Variants in SYNJ2 observed in about 807,000 individuals in gnomAD.
SYNJ2 encodes synaptojanin 2.
A neutral mutation model predicts 141.3 loss-of-function variants in SYNJ2; 116 were observed. That is an observed-to-expected ratio of 0.82 (90% CI 0.71 to 0.96). SYNJ2 has a LOEUF of 0.96. Among genes scored for constraint, SYNJ2 ranks in the 40% least tolerant of loss-of-function variants. SYNJ2 has a pLI of 0.00. For synonymous variants in SYNJ2, 745 were observed against 777.7 expected, an observed-to-expected ratio of 0.96 and a Z score of 0.70; for missense variants, 1,873 against 1,934.8, an observed-to-expected ratio of 0.97 and a Z score of 0.60.
intron 18 of SYNJ2, 190 bp downstream of exon 18, chr6:158,078,471 T>C (rs1228298231): frequency 1.2e-5 from 5 of 405,090 alleles, no homozygotes; most frequent in Non-Finnish European, 1.8e-5. Context: ...AAGAACTAAT[T>C]AATCTTAGCA....
At chr6:158,031,164 G>A (rs1779339564) in intron 3 of SYNJ2, among the ~76,000 whole-genome samples, 1 of 152,218 alleles carries the variant, frequency 6.6e-6, no homozygotes, top group South Asian at 2.1e-4. Flanking sequence ...TAAGCACAGA[G>A]GGGCTGTGTA....
intron 1 of SYNJ2, among the ~76,000 whole-genome samples, chr6:157,988,365 G>A (rs1031515638): frequency 6.6e-6 from 1 of 152,210 alleles, no homozygotes; most frequent in South Asian, 2.1e-4. Flanking sequence ...TAGTCACGGT[G>A]GCATACTTTT....
chr6:158,007,829 G>A (rs374715393), intron 1 of SYNJ2, among the ~76,000 whole-genome samples: 5 of 152,044 alleles, frequency 3.3e-5, no homozygotes, highest in Non-Finnish European at 7.4e-5. Flanking sequence ...TTTTAGTAGA[G>A]ACTAAAAACA....
chr6:158,004,969 T>C (rs1777999957), intron 1 of SYNJ2, among the ~76,000 whole-genome samples: 1 of 151,854 alleles, frequency 6.6e-6, no homozygotes, highest in Non-Finnish European at 1.5e-5. Context: ...CTGCAGCCAC[T>C]CGCTCCCATG....
chr6:158,076,724 C>T lies in SYNJ2; in HGVS notation c.2391C>T (p.Thr797=). The change falls in exon 17 of 27, where the codon ACC becomes ACT. Residue 797 remains threonine (T), a synonymous_variant. Transcript: ENST00000355585. ...ACGATACAAGCGACAAATGCCGCAC[C>T]CCCGCCTGGACAGACAGGGTGCTGT... ...AAYDTSDKCR[T]PAWTDRVLWW... is the part of the protein sequence containing the mutation. The T allele has an allele frequency of 1.2e-6, 2 of 1,614,186 alleles. No individual in the cohort carries two copies.
intron 23 of SYNJ2, 74 bp downstream of exon 23, chr6:158,087,063 C>CG (rs1475139195): frequency 5.2e-6 from 8 of 1,524,698 alleles, no homozygotes; most frequent in Non-Finnish European, 7.1e-6. Context: ...ACTGAAAACA[C>CG]GGCTCCGAAT....
chr6:157,981,439 C>CGCAGGGTCGAAAGGACTCGT (rs1298283122), upstream of SYNJ2, among the ~76,000 whole-genome samples: 1 of 152,238 alleles, frequency 6.6e-6, no homozygotes, highest in East Asian at 1.9e-4. The surrounding 1 kb of genome is among the most constrained non-coding windows in gnomAD (Gnocchi z 6.4). Context: ...GACCGAGGCA[C>CGCAGGGTCGAAAGGACTCGT]GCAGGGTCGA....
chr6:158,014,044 T>C (rs1160557788), intron 1 of SYNJ2, among the ~76,000 whole-genome samples: 1 of 152,252 alleles, frequency 6.6e-6, no homozygotes, highest in Non-Finnish European at 1.5e-5. Flanking sequence ...GAAAGTGATA[T>C]GCATTCAGTA....
intron 2 of SYNJ2, among the ~76,000 whole-genome samples, chr6:158,020,906 T>C (rs529739041): frequency 1.3e-5 from 2 of 152,338 alleles, no homozygotes; most frequent in East Asian, 1.9e-4. Flanking sequence ...TCGAGAAATA[T>C]GCACAAAAAT....
intron 20 of SYNJ2, among the ~76,000 whole-genome samples, chr6:158,082,418 C>T (rs1250635629): frequency 2.9e-5 from 4 of 136,754 alleles, no homozygotes; most frequent in Non-Finnish European, 4.5e-5. Flanking sequence ...ACCCAGGAGG[C>T]AGAGGTTGCA....
intron 1 of SYNJ2, among the ~76,000 whole-genome samples, chr6:158,011,170 C>G (rs925672611): frequency 2.0e-5 from 3 of 152,044 alleles, no homozygotes; most frequent in African/African-American, 7.2e-5. Context: ...AATTGCCACG[C>G]GACGACGGAG....
chr6:158,021,362 G>A (rs1453862642), intron 2 of SYNJ2, among the ~76,000 whole-genome samples: 1 of 152,242 alleles, frequency 6.6e-6, no homozygotes, highest in Non-Finnish European at 1.5e-5. Context: ...TGGGAAAACT[G>A]CCTCATCTCT....
At position 158,098,567 on chromosome 6, in the gene SYNJ2, C is replaced by G. The variant is rs1783904210; in HGVS notation, c.*2203C>G. 1 of 151,600 alleles carries G rather than the reference C, an allele frequency of 6.6e-6. No homozygotes were observed. The highest frequency in any genetic ancestry group is 2.4e-5 in the African/African-American group (1 of 41,346). 9.4% of individuals were successfully genotyped at this position (151,600 alleles called of 1,614,324 possible). On this transcript the variant is annotated 3_prime_UTR_variant, in exon 27 of 27. Coordinates refer to ENST00000355585, the MANE Select transcript of SYNJ2 (RefSeq NM_003898.4). Reference sequence around the variant, plus strand: ...AAAAAAAAAGGACAATTGGAATTGCCTTATTTATTTTTAAAATCAATGCTT... The same window carrying G: ...AAAAAAAAAGGACAATTGGAATTGCGTTATTTATTTTTAAAATCAATGCTT...
rs149183400 is a variant in SYNJ2 at position 158,071,717 on chromosome 6, C to A, written c.2056C>A (p.Leu686Met). The change falls in exon 15 of 27, where the codon CTG becomes ATG. Residue 686 changes from leucine to methionine, a missense_variant. By Grantham distance (15) the Leu-to-Met change is conservative. Coordinates refer to ENST00000355585, the MANE Select transcript of SYNJ2 (RefSeq NM_003898.4). The surrounding 1 kb of genome is among the most constrained non-coding windows in gnomAD (Gnocchi z 4.3). Reference sequence around the variant, plus strand: ...CAGCTTCTGCTTCATATGTAGTCACCTGACGGCCGGGCAGTCCCAGGTGAA... The same window carrying A: ...CAGCTTCTGCTTCATATGTAGTCACATGACGGCCGGGCAGTCCCAGGTGAA... ...STSFCFICSH[L>M]TAGQSQVKER... 2 of 1,614,122 alleles carry A rather than the reference C, an allele frequency of 1.2e-6. No individual in the cohort carries two copies. The highest frequency in any genetic ancestry group is 4.5e-5 in the East Asian group (2 of 44,886).
chr6:158,053,918 A>C (rs949409151), intron 5 of SYNJ2, among the ~76,000 whole-genome samples: 6 of 147,376 alleles, frequency 4.1e-5, no homozygotes, highest in Non-Finnish European at 7.5e-5. Flanking sequence ...CCATCCACCC[A>C]CCCATTCTCT....
In SYNJ2 at chr6:158,004,193, C is replaced by A. The variant is rs559049415; in HGVS notation, c.128-13011C>A. ...AGAGCGACTCCATCTTGAATAGGGGCTGGGTCAAATGGATCTGAGACCTGC... is the reference window on the plus strand; with the variant it reads ...AGAGCGACTCCATCTTGAATAGGGGATGGGTCAAATGGATCTGAGACCTGC... On this transcript the variant is annotated intron_variant, in intron 1 of 26. Coordinates refer to ENST00000355585, the MANE Select transcript of SYNJ2 (RefSeq NM_003898.4). 2.6e-5 allele frequency among the ~76,000 whole-genome samples: 4 copies of A among 152,212 alleles called. No homozygotes were observed. In the South Asian group the frequency reaches 8.3e-4, roughly 32 times the overall value.
chr6:158,006,355 C>G (rs1405398542), intron 1 of SYNJ2, among the ~76,000 whole-genome samples: 2 of 152,166 alleles, frequency 1.3e-5, no homozygotes, highest in Non-Finnish European at 1.5e-5. Flanking sequence ...CTCAACTTTA[C>G]TGAAACTGTT....
At position 158,059,555 on chromosome 6, in the gene SYNJ2, TC is replaced by T. The variant is rs1173938605; in HGVS notation, c.954+203del. 17 of 1,312,286 alleles carry T rather than the reference TC, an allele frequency of 1.3e-5. No individual in the cohort carries two copies. In the South Asian group the frequency reaches 1.8e-4, roughly 14 times the overall value. The allele number at this position is 1,312,286 out of a possible 1,614,324, so 81.3% of individuals were successfully genotyped here. On this transcript the variant is annotated intron_variant, in intron 7 of 26. Transcript: ENST00000355585. The stretch of plus-strand genomic sequence containing the variant: ...CTGATACAGTGAGTGTAATTTCTTT[TC>T]TTTTTTTTTTTTTTTAAGACAGAGT...
intron 5 of SYNJ2, among the ~76,000 whole-genome samples, chr6:158,048,357 G>C (rs1297697313): frequency 6.6e-6 from 1 of 152,184 alleles, no homozygotes; most frequent in Non-Finnish European, 1.5e-5. Flanking sequence ...TAACCCTTGG[G>C]TTCACAGTGA....
Sources: allele counts gnomAD v4.1 joint callset (sites outside exome capture counted in the v4.1 genomes callset), GRCh38; gene constraint gnomAD v4.1.1; non-coding constraint Gnocchi (gnomAD v3.1); transcripts MANE v1.5; gene names NCBI Gene and HGNC (gene_info 2026-07-23, HGNC 2026-07-21).